Variants in SLC2A13 observed in about 807,000 individuals in gnomAD.
SLC2A13 encodes solute carrier family 2 member 13, also known as proton myo-inositol cotransporter.
A neutral mutation model predicts 64.4 loss-of-function variants in SLC2A13; 32 were observed. The observed-to-expected ratio is 0.50, with a 90% confidence interval of 0.37 to 0.67. SLC2A13 has a LOEUF of 0.67. Among genes scored for constraint, SLC2A13 ranks in the 30% least tolerant of loss-of-function variants. The probability of loss-of-function intolerance (pLI) is 0.00; values close to 1 mark genes in which losing one functional copy is unlikely to be tolerated. For synonymous variants in SLC2A13, 338 were observed against 327.1 expected (o/e 1.03, Z -0.36); for missense variants, 743 against 829.2 (o/e 0.90, Z 1.28).
chr12:40,065,839 A>T (rs1355525782), intron 1 of SLC2A13, among the ~76,000 whole-genome samples: 1 of 152,208 alleles, frequency 6.6e-6, no homozygotes, highest in Non-Finnish European at 1.5e-5. Context: ...GTTTTATTTC[A>T]AAGTCTCACA....
chr12:40,069,518 A>G (rs1183211822), intron 1 of SLC2A13, among the ~76,000 whole-genome samples: 1 of 152,110 alleles, frequency 6.6e-6, no homozygotes, highest in Non-Finnish European at 1.5e-5. Flanking sequence ...ATAATAGCTG[A>G]CATTTCTGTA....
At chr12:39,907,922 A>G (rs1394157595) in intron 4 of SLC2A13, 1 of 151,282 alleles carries the variant, frequency 6.6e-6, no homozygotes, top group Non-Finnish European at 1.5e-5. Context: ...TTTTCCCGGC[A>G]CTTTCCACCT....
chr12:39,967,819 AG>A lies in SLC2A13; in HGVS notation c.926-16455del, dbSNP rs111584154. 9.2e-5 allele frequency among the ~76,000 whole-genome samples: 14 copies of A among 152,320 alleles called. 1 individual carries two copies. Among genetic ancestry groups the A allele is most frequent in the African/African-American group, 3.1e-4 (13 of 41,576 alleles). The stretch of plus-strand genomic sequence containing the variant: ...CACCTGTGGGAGTTGGATGGTGTAA[AG>A]GTAGCAAGGCAAGCTAAATTATTTC... On this transcript the variant is annotated intron_variant, in intron 3 of 9. Transcript: ENST00000280871.
chr12:39,975,554 T>C (rs564073537), intron 3 of SLC2A13, among the ~76,000 whole-genome samples: 4 of 152,358 alleles, frequency 2.6e-5, no homozygotes, highest in African/African-American at 9.6e-5. Flanking sequence ...TTAATTCTAA[T>C]TAAAGCTTCC....
intron 1 of SLC2A13, among the ~76,000 whole-genome samples, chr12:40,078,821 A>C (rs1023203856): frequency 6.6e-6 from 1 of 152,054 alleles, no homozygotes; most frequent in African/African-American, 2.4e-5. Context: ...CTCATTATTG[A>C]TCTGTTCAAG....
At chr12:39,922,442 C>G (rs1016668078) in intron 4 of SLC2A13, among the ~76,000 whole-genome samples, 4 of 152,170 alleles carry the variant, frequency 2.6e-5, no homozygotes, top group African/African-American at 9.7e-5. Context: ...CAAGTCAGAT[C>G]AATAAGGCAC....
intron 5 of SLC2A13, among the ~76,000 whole-genome samples, chr12:39,869,758 A>G (rs1943996064): frequency 1.3e-5 from 2 of 152,228 alleles, no homozygotes; most frequent in Non-Finnish European, 2.9e-5. Context: ...GAGTTCAGGA[A>G]GATTCCTAGA....
chr12:39,997,091 A>T (rs1365708618), intron 3 of SLC2A13, among the ~76,000 whole-genome samples: 1 of 152,184 alleles, frequency 6.6e-6, no homozygotes. Flanking sequence ...AAGACTAAGC[A>T]AAAAGAATAA....
chr12:39,879,327 T>A (rs1448854958), intron 4 of SLC2A13, among the ~76,000 whole-genome samples: 1 of 152,212 alleles, frequency 6.6e-6, no homozygotes, highest in African/African-American at 2.4e-5. Flanking sequence ...CACCATCCTC[T>A]AGACCCCAGA....
At chr12:39,947,887 C>T (rs1225845478) in intron 4 of SLC2A13, among the ~76,000 whole-genome samples, 1 of 151,972 alleles carries the variant, frequency 6.6e-6, no homozygotes, top group Admixed American at 6.5e-5. Context: ...GTCTCGATCT[C>T]CTGACTTCAT....
chr12:40,019,524 C>A (rs1358042450), intron 3 of SLC2A13, among the ~76,000 whole-genome samples: 1 of 152,080 alleles, frequency 6.6e-6, no homozygotes, highest in African/African-American at 2.4e-5. Context: ...ACTCCATTTT[C>A]CCAGTACAAC....
intron 5 of SLC2A13, among the ~76,000 whole-genome samples, chr12:39,869,119 T>C (rs1943979270): frequency 6.6e-6 from 1 of 152,144 alleles, no homozygotes; most frequent in Non-Finnish European, 1.5e-5. Context: ...GTCAAGTATA[T>C]ATCTACATAT....
intron 3 of SLC2A13, among the ~76,000 whole-genome samples, chr12:39,977,159 A>G (rs1946775835): frequency 6.6e-6 from 1 of 152,182 alleles, no homozygotes; most frequent in Admixed American, 6.5e-5. Context: ...TTCAAGCTCT[A>G]TATAGATTAA....
intron 2 of SLC2A13, among the ~76,000 whole-genome samples, chr12:40,044,642 TTC>T (rs1406756713): frequency 6.6e-6 from 1 of 152,178 alleles, no homozygotes; most frequent in African/African-American, 2.4e-5. Flanking sequence ...CTACTGGCAG[TTC>T]TTTTTTTCTA....
intron 6 of SLC2A13, among the ~76,000 whole-genome samples, chr12:39,834,873 A>G (rs1275881732): frequency 6.6e-6 from 1 of 152,098 alleles, no homozygotes; most frequent in East Asian, 1.9e-4. Context: ...AAAACTTTAA[A>G]TATCCTGGGG....
intron 6 of SLC2A13, among the ~76,000 whole-genome samples, chr12:39,863,032 A>T (rs1943802882): frequency 6.6e-6 from 1 of 152,166 alleles, no homozygotes; most frequent in African/African-American, 2.4e-5. Context: ...ATTCCCACAA[A>T]GCCTAATATG....
At chr12:39,803,426 A>G (rs1941869755) in intron 7 of SLC2A13, among the ~76,000 whole-genome samples, 1 of 152,170 alleles carries the variant, frequency 6.6e-6, no homozygotes, top group Non-Finnish European at 1.5e-5. Context: ...TAAAACTATC[A>G]CTTAGGAGCA....
At chr12:40,076,641 C>T (rs1435460311) in intron 1 of SLC2A13, among the ~76,000 whole-genome samples, 5 of 151,984 alleles carry the variant, frequency 3.3e-5, no homozygotes, top group South Asian at 2.1e-4. Context: ...TATGATAGAA[C>T]GAATTATATT....
At chr12:39,970,993 C>G (rs934609423) in intron 3 of SLC2A13, among the ~76,000 whole-genome samples, 16 of 152,148 alleles carry the variant, frequency 1.1e-4, no homozygotes, top group African/African-American at 3.6e-4. Flanking sequence ...TGCAACAAAT[C>G]TTTACCAAGT....
Sources: gnomAD v4.1 joint callset for allele counts (sites outside exome capture counted in the v4.1 genomes callset) on GRCh38, gnomAD v4.1.1 for gene constraint, MANE v1.5 for transcripts, NCBI Gene and HGNC (gene_info 2026-07-23, HGNC 2026-07-21) for gene names.